IPO4: variants seen among roughly 807,000 people sequenced by gnomAD.
The protein encoded by IPO4 is importin-4.
A neutral mutation model predicts 133.5 loss-of-function variants in IPO4; 91 were observed. The ratio of observed to expected loss-of-function variants is 0.68; its 90% CI spans 0.58 to 0.81. The LOEUF is 0.81. Among genes scored for constraint, IPO4 ranks in the 30% least tolerant of loss-of-function variants. IPO4 has a pLI of 0.00. For synonymous variants in IPO4, 607 were observed against 581.6 expected, an observed-to-expected ratio of 1.04 and a Z score of -0.63; for missense variants, 1,279 against 1,386.2, an observed-to-expected ratio of 0.92 and a Z score of 1.23.
Position 24,187,431 on chromosome 14 carries a change from G to A in IPO4, c.557C>T (p.Thr186Ile). The change falls in exon 6 of 30, where the codon ACC (threonine) becomes ATC (isoleucine). Residue 186 changes from threonine (T) to isoleucine (I), a missense_variant. Thr to Ile is a moderately conservative substitution (Grantham distance 89, BLOSUM62 -1). Transcript: ENST00000354464. The part of the protein sequence containing the change: ...LLFYSLRTLT[T>I]MAPYLSTEDV... ...TTCAGTGCTGAGGTAGGGAGCCATG[G>A]TGGTCAGAGTGCGCAGGGAGTAGAA... 1 of 1,614,170 alleles carries A rather than the reference G, an allele frequency of 6.2e-7. No individual in the cohort carries two copies. The highest frequency in any genetic ancestry group is 8.5e-7 in the Non-Finnish European group (1 of 1,180,028).
chr14:24,186,655 A>G, intron 9 of IPO4, 53 bp downstream of exon 9: 2 of 1,522,294 alleles, frequency 1.3e-6, no homozygotes, highest in Non-Finnish European at 9.1e-7. Flanking sequence ...CAGGAGTGAG[A>G]CTAAGGGTGG....
chr14:24,180,311 C>T lies in IPO4; in HGVS notation c.*131G>A. Reference sequence around the variant, plus strand: ...CAGCCTCAGGGACAGCCCTGTAAGGCAGCAAGTGGGGCTGGCTCCAAATGG... The same window carrying T: ...CAGCCTCAGGGACAGCCCTGTAAGGTAGCAAGTGGGGCTGGCTCCAAATGG... On this transcript the variant is annotated 3_prime_UTR_variant, in exon 30 of 30. Transcript: ENST00000354464. 6.6e-7 allele frequency: 1 copy of T among 1,504,744 alleles called. No homozygotes were observed. The highest frequency in any genetic ancestry group is 8.9e-7 in the Non-Finnish European group (1 of 1,119,312). The allele number at this position is 1,504,744 out of a possible 1,614,324, so 93.2% of individuals were successfully genotyped here.
chr14:24,180,641 G>A (rs1356881253), intron 29 of IPO4, 48 bp downstream of exon 29: 1 of 1,612,702 alleles, frequency 6.2e-7, no homozygotes, highest in Non-Finnish European at 8.5e-7. Context: ...TCTGAGCCCT[G>A]CCACTCCCAG....
At position 24,188,236 on chromosome 14, in the gene IPO4, C is replaced by G. The variant is rs746552378; in HGVS notation, c.258G>C (p.Thr86=). 6 of 1,613,564 alleles carry G rather than the reference C, an allele frequency of 3.7e-6. No individual in the cohort carries two copies. Among genetic ancestry groups the G allele is most frequent in the Non-Finnish European group, 5.1e-6 (6 of 1,179,758 alleles). ...QRESLKSLIL[T]ALQRETEHCV... ...CTTACTCTGTTTCTCTCTGCAGGGC[C>G]GTCAGGATCAGGGACTTGAGGCTGG... The change falls in exon 4 of 30, where the codon ACG becomes ACC. Residue 86 remains threonine, a synonymous_variant. Coordinates refer to ENST00000354464, the MANE Select transcript of IPO4 (RefSeq NM_024658.4).
Position 24,185,202 on chromosome 14 carries a change from C to A in IPO4, c.1389G>T (p.Glu463Asp), listed in dbSNP as rs779742427. Residue 463 changes from glutamate to aspartate, a missense_variant, in exon 14 of 30, where the codon GAG becomes GAT. Around this residue, in one of 3 missense-constraint regions of IPO4, gnomAD observed 695 missense variants for 704.1 expected, o/e 0.99. Coordinates refer to ENST00000354464, the MANE Select transcript of IPO4 (RefSeq NM_024658.4). Reference protein sequence around the residue: ...HHLAKACYALENFVENLGPKV... With the variant: ...HHLAKACYALDNFVENLGPKV... ...CACTACCTAGGTTCTCCACAAAATT[C>A]TCCAGGGCATAGCAGGCCTTGGCTA... 6.2e-7 allele frequency: 1 copy of A among 1,614,126 alleles called. No homozygotes were observed. The highest frequency in any genetic ancestry group is 8.5e-7 in the Non-Finnish European group (1 of 1,180,002).
intron 13 of IPO4, 29 bp downstream of exon 13, chr14:24,185,430 T>G: frequency 6.2e-7 from 1 of 1,610,944 alleles, no homozygotes; most frequent in Non-Finnish European, 8.5e-7. Flanking sequence ...GACATTCAAG[T>G]GGTGGCTCCC....
chr14:24,180,584 G>A lies in IPO4; in HGVS notation c.3116-12C>T, dbSNP rs2039117058. The A allele has an allele frequency of 2.5e-6, 4 of 1,613,334 alleles. No individual in the cohort carries two copies. The highest frequency in any genetic ancestry group is 1.7e-4 in the Middle Eastern group (1 of 6,060). Reference sequence around the variant, plus strand: ...TGCGGCCTTGGTGTCTGGGTGGAGAGGGAGGGAGAAAGGTCGGGGCTCCTA... The same window carrying A: ...TGCGGCCTTGGTGTCTGGGTGGAGAAGGAGGGAGAAAGGTCGGGGCTCCTA... On this transcript the variant is annotated splice_polypyrimidine_tract_variant and intron_variant, in intron 29 of 29. Transcript: ENST00000354464.
chr14:24,182,427 G>C (rs1211467106), intron 24 of IPO4, 24 bp from the exon 25 acceptor site: 2 of 1,598,646 alleles, frequency 1.3e-6, no homozygotes, highest in South Asian at 1.1e-5. Flanking sequence ...TCAGGGGCTG[G>C]AGCACCAGGG....
Position 24,181,697 on chromosome 14 carries a change from T to C in IPO4, c.2940+14A>G, listed in dbSNP as rs1426610111. 6.2e-6 allele frequency: 10 copies of C among 1,606,400 alleles called. No individual in the cohort carries two copies. Among genetic ancestry groups the C allele is most frequent in the African/African-American group, 2.7e-5 (2 of 74,846 alleles). ...CTCAGCTTCCAAGCCCTGCCTGATG[T>C]CTCCCTCCCTCACCTGGGGCTCTGG... On this transcript the variant is annotated intron_variant, in intron 27 of 29. Coordinates refer to ENST00000354464, the MANE Select transcript of IPO4 (RefSeq NM_024658.4).
At position 24,187,562 on chromosome 14, in the gene IPO4, T is replaced by C. The variant is rs1167885429; in HGVS notation, c.426A>G (p.Leu142=). ...SPEREMGLLL[L]SVVVTSRPEA... is the part of the protein sequence containing the mutation. ...CGGGCCGGGAGGTCACCACCACACT[T>C]AGCAGCAAAAGCCCCATCTGTCCAA... Residue 142 remains leucine (L), a synonymous_variant, in exon 6 of 30, where the codon CTA becomes CTG. Transcript: ENST00000354464. The C allele has an allele frequency of 1.2e-5, 20 of 1,613,946 alleles. No individual in the cohort carries two copies. The highest frequency in any genetic ancestry group is 1.5e-5 in the Non-Finnish European group (18 of 1,180,026).
chr14:24,187,877 G>A (rs1017841709), intron 4 of IPO4, 81 bp from the exon 5 acceptor site: 4 of 1,562,340 alleles, frequency 2.6e-6, no homozygotes, highest in Non-Finnish European at 3.5e-6. Context: ...GGGGCAGCCA[G>A]GACAGAAACT....
chr14:24,181,469 G>A, intron 28 of IPO4, 44 bp downstream of exon 28: 1 of 1,482,522 alleles, frequency 6.7e-7, no homozygotes, highest in Non-Finnish European at 9.2e-7. Context: ...ATCACTGAGT[G>A]GAGCGGCACG....
In IPO4 at chr14:24,182,149, T is replaced by C; in HGVS notation, c.2613A>G (p.Thr871=). ...CCACTGCAAAGGACTTCTCTGCCAC[T>C]GTGCAGCCCTGTTTCTGATGGGGGA... ...LLVCKTKQGC[T]VAEKSFAVGT... is the part of the protein sequence containing the mutation. The change falls in exon 26 of 30, where the codon ACA becomes ACG. Residue 871 remains threonine, a synonymous_variant. Transcript: ENST00000354464. The C allele has an allele frequency of 1.9e-6, 3 of 1,614,098 alleles. No homozygotes were observed. Among genetic ancestry groups the C allele is most frequent in the Non-Finnish European group, 2.5e-6 (3 of 1,180,032 alleles).
intron 17 of IPO4, 58 bp from the exon 18 acceptor site, chr14:24,184,167 G>A (rs551786839): frequency 6.4e-7 from 1 of 1,571,376 alleles, no homozygotes; most frequent in Admixed American, 1.7e-5. Context: ...CAGGCAGGAT[G>A]GGGGAGCCCG....
chr14:24,186,620 ATACC>A, intron 9 of IPO4, 84 bp downstream of exon 9: 1 of 1,388,586 alleles, frequency 7.2e-7, no homozygotes, highest in Non-Finnish European at 1.0e-6. Flanking sequence ...AGTACTTTAG[ATACC>A]CTGAGATGGA....
rs1295303853 is a variant in IPO4 at position 24,183,985 on chromosome 14, A to ACCCT, written c.1869+9_1869+12dup. ...AGGGCAGGCCTGGCCCAGCCCACCCACCCTTTGCTCACCACAATGCCCTCG... is the reference window on the plus strand; with the variant it reads ...AGGGCAGGCCTGGCCCAGCCCACCCACCCTCCCTTTGCTCACCACAATGCCCTCG... On this transcript the variant is annotated intron_variant, in intron 18 of 29. Coordinates refer to ENST00000354464, the MANE Select transcript of IPO4 (RefSeq NM_024658.4). 2 of 256,986 alleles carry ACCCT rather than the reference A, an allele frequency of 7.8e-6. No individual in the cohort carries two copies. Among genetic ancestry groups the ACCCT allele is most frequent in the Admixed American group, 9.3e-5 (2 of 21,496 alleles). The allele number at this position is 256,986 out of a possible 1,614,324, so 15.9% of individuals were successfully genotyped here. A position where few individuals can be genotyped will look rare whatever the true frequency, so the allele number is the denominator to read the frequency against.
In IPO4 at chr14:24,185,878, G is replaced by A. The variant is rs752936115; in HGVS notation, c.1152C>T (p.Gly384=). 4.3e-5 allele frequency: 70 copies of A among 1,613,250 alleles called. No homozygotes were observed. Among genetic ancestry groups the A allele is most frequent in the Non-Finnish European group, 5.6e-5 (66 of 1,179,714 alleles). The change falls in exon 12 of 30, where the codon GGC becomes GGT. Residue 384 remains glycine (G), a synonymous_variant. Coordinates refer to ENST00000354464, the MANE Select transcript of IPO4 (RefSeq NM_024658.4). ...ATACATACCTCTGCCTGATGTGGTC[G>A]CCAGCTCCGTCAGACAGCACGGCCA... is the stretch of plus-strand genomic sequence containing the variant. ...LVLAVLSDGA[G]DHIRQRLLPP...
rs542303871 is a variant in IPO4 at position 24,188,757 on chromosome 14, G to T, written c.31C>A (p.Arg11=). 5.2e-6 allele frequency: 8 copies of T among 1,533,806 alleles called. No homozygotes were observed. The African/African-American group carries it at 5.5e-5, about 11-fold the overall frequency. MESAGLEQLL[R]ELLLPDTERI... ...TCGGTGTCCGGTAGCAGCAGCTCCC[G>T]TAGGAGCTGCTCTAGCCCGGCTGAC... The change falls in exon 1 of 30, where the codon CGG becomes AGG. Residue 11 remains arginine (R), a synonymous_variant. Coordinates refer to ENST00000354464, the MANE Select transcript of IPO4 (RefSeq NM_024658.4).
At chr14:24,183,964 C>A in intron 18 of IPO4, 34 bp downstream of exon 18, 1 of 1,610,276 alleles carries the variant, frequency 6.2e-7, no homozygotes, top group Non-Finnish European at 8.5e-7. Context: ...CATTGCAGGG[C>A]AGGCCTGGCC....
Sources: allele counts gnomAD v4.1 joint callset, GRCh38; gene constraint gnomAD v4.1.1; regional missense constraint gnomAD v4.1.1; transcripts MANE v1.5; gene names NCBI Gene and HGNC (gene_info 2026-07-23, HGNC 2026-07-21).